Variants in UBE2L3 observed in about 807,000 individuals in gnomAD.
The protein encoded by UBE2L3 is ubiquitin conjugating enzyme E2 L3.
Under a neutral mutation model 17.8 loss-of-function variants are expected in UBE2L3, and 1 was observed. That is an observed-to-expected ratio of 0.06 (90% CI 0.02 to 0.27). The LOEUF (loss-of-function observed/expected upper bound fraction) is 0.27, where lower values mean the gene tolerates loss of function less well. Among genes scored for constraint, UBE2L3 ranks in the 10% least tolerant of loss-of-function variants. UBE2L3 has a pLI of 1.00. For synonymous variants in UBE2L3, 44 were observed against 68.5 expected, an observed-to-expected ratio of 0.64 and a Z score of 1.76; for missense variants, 40 against 192.6, an observed-to-expected ratio of 0.21 and a Z score of 4.69.
intron 1 of UBE2L3, among the ~76,000 whole-genome samples, chr22:21,573,731 C>T (rs1286944428): frequency 6.6e-6 from 1 of 152,148 alleles, no homozygotes; most frequent in African/African-American, 2.4e-5. Context: ...CTTTGAGGAG[C>T]CCCAGAGACC....
intron 1 of UBE2L3, among the ~76,000 whole-genome samples, chr22:21,580,083 A>G (rs570785779): frequency 6.6e-6 from 1 of 152,342 alleles, no homozygotes; most frequent in East Asian, 1.9e-4. Flanking sequence ...GGTCAATACT[A>G]TTCCAGAGCA....
At chr22:21,578,463 C>T (rs946850888) in intron 1 of UBE2L3, among the ~76,000 whole-genome samples, 2 of 152,054 alleles carry the variant, frequency 1.3e-5, no homozygotes, top group African/African-American at 4.8e-5. Context: ...CCCATTTGTC[C>T]TGTGTCAGGC....
At chr22:21,587,967 CTT>C (rs1469006768) in intron 1 of UBE2L3, among the ~76,000 whole-genome samples, 3 of 152,212 alleles carry the variant, frequency 2.0e-5, no homozygotes, top group Non-Finnish European at 4.4e-5. Flanking sequence ...GCATTGCTCT[CTT>C]TCTCCTGCAC....
chr22:21,584,517 T>C (rs1052874471), intron 1 of UBE2L3, among the ~76,000 whole-genome samples: 6 of 151,692 alleles, frequency 4.0e-5, no homozygotes, highest in Non-Finnish European at 8.8e-5. Context: ...TATTTTTATT[T>C]TTTTGAGACA....
chr22:21,581,565 G>T (rs1042318298), intron 1 of UBE2L3, among the ~76,000 whole-genome samples: 4 of 152,126 alleles, frequency 2.6e-5, no homozygotes, highest in Non-Finnish European at 5.9e-5. Flanking sequence ...ACTTTGGGAG[G>T]CCTAGATGGG....
intron 3 of UBE2L3, among the ~76,000 whole-genome samples, chr22:21,615,453 G>A (rs1929718427): frequency 6.6e-6 from 1 of 151,620 alleles, no homozygotes; most frequent in Admixed American, 6.6e-5. Flanking sequence ...TACTCGGGAG[G>A]CTGAGGCAGG....
intron 3 of UBE2L3, 76 bp from the exon 4 acceptor site, chr22:21,621,439 C>G: frequency 6.8e-7 from 1 of 1,481,296 alleles, no homozygotes; most frequent in South Asian, 1.4e-5. Context: ...GAGTTTTGTT[C>G]CCGGATTAGC....
At chr22:21,579,179 C>T (rs1048941416) in intron 1 of UBE2L3, among the ~76,000 whole-genome samples, 2 of 151,622 alleles carry the variant, frequency 1.3e-5, no homozygotes, top group South Asian at 2.1e-4. Context: ...TTAGTAGAGA[C>T]GGGGGTTTCA....
chr22:21,593,748 TG>T (rs1928384338), intron 2 of UBE2L3, among the ~76,000 whole-genome samples: 1 of 152,180 alleles, frequency 6.6e-6, no homozygotes, highest in African/African-American at 2.4e-5. Flanking sequence ...AGCTCGGCAG[TG>T]CTGGCATCAT....
chr22:21,603,661 G>A (rs1417787943), intron 2 of UBE2L3, among the ~76,000 whole-genome samples: 2 of 151,462 alleles, frequency 1.3e-5, no homozygotes, highest in South Asian at 2.1e-4. Context: ...GGTTAACACG[G>A]TGAAACCCCG....
In UBE2L3 at chr22:21,590,186, A is replaced by T. The variant is rs558877410; in HGVS notation, c.28-2675A>T. Among the ~76,000 whole-genome samples the T allele has an allele frequency of 3.3e-5, 5 of 151,758 alleles. No homozygotes were observed. The East Asian group carries it at 9.7e-4, about 29-fold the overall frequency. On this transcript the variant is annotated intron_variant, in intron 1 of 3. Coordinates refer to ENST00000342192, the MANE Select transcript of UBE2L3 (RefSeq NM_003347.4). ...AATTTACCTTGTGTTTATCATCCCT[A>T]CTTTATTTTTTTATTTTTTTATTTT...
chr22:21,610,390 G>A (rs908450056), intron 2 of UBE2L3, among the ~76,000 whole-genome samples: 1 of 152,186 alleles, frequency 6.6e-6, no homozygotes, highest in African/African-American at 2.4e-5. Flanking sequence ...AAAACCTATA[G>A]AATGTGCAAC....
intron 1 of UBE2L3, among the ~76,000 whole-genome samples, chr22:21,560,983 G>A (rs1283047214): frequency 6.6e-6 from 1 of 152,292 alleles, no homozygotes; most frequent in Non-Finnish European, 1.5e-5. Context: ...GGAGTAGAAG[G>A]AAGGTGGAAA....
upstream of UBE2L3, among the ~76,000 whole-genome samples, chr22:21,565,349 C>A (rs574385192): frequency 1.3e-5 from 2 of 151,834 alleles, no homozygotes; most frequent in African/African-American, 4.8e-5. Context: ...ACCTCGGCTT[C>A]CCAAAGTGCT....
At chr22:21,604,195 C>G (rs1929026902) in intron 2 of UBE2L3, among the ~76,000 whole-genome samples, 1 of 152,112 alleles carries the variant, frequency 6.6e-6, no homozygotes, top group Non-Finnish European at 1.5e-5. Context: ...TAGTCGTGTT[C>G]ATGTGAAGAT....
chr22:21,596,768 T>C (rs1300650215), intron 2 of UBE2L3, among the ~76,000 whole-genome samples: 2 of 152,184 alleles, frequency 1.3e-5, no homozygotes, highest in East Asian at 3.9e-4. Flanking sequence ...ATTATAGGCA[T>C]AAGCCATTGC....
At chr22:21,565,033 G>A (rs1023322221), upstream of UBE2L3, among the ~76,000 whole-genome samples, 4 of 152,114 alleles carry the variant, frequency 2.6e-5, no homozygotes, top group Middle Eastern at 3.4e-3. Context: ...CTCCTTTACC[G>A]TGTCAAGCCT....
At chr22:21,578,469 CAGGCTTTGTG>C (rs1927440387) in intron 1 of UBE2L3, among the ~76,000 whole-genome samples, 1 of 152,010 alleles carries the variant, frequency 6.6e-6, no homozygotes, top group Non-Finnish European at 1.5e-5. Context: ...TGTCCTGTGT[CAGGCTTTGTG>C]TGGTTGAGTC....
intron 2 of UBE2L3, among the ~76,000 whole-genome samples, chr22:21,599,376 C>G (rs1928734347): frequency 6.6e-6 from 1 of 152,140 alleles, no homozygotes; most frequent in African/African-American, 2.4e-5. Context: ...TTTCTGAGGG[C>G]ACACTGGAGT....
Sources: gnomAD v4.1 joint callset for allele counts (sites outside exome capture counted in the v4.1 genomes callset) on GRCh38, gnomAD v4.1.1 for gene constraint, MANE v1.5 for transcripts, NCBI Gene and HGNC (gene_info 2026-07-23, HGNC 2026-07-21) for gene names.